Variants in B3GALT1 observed in about 807,000 individuals in gnomAD.
B3GALT1 encodes beta-1,3-galactosyltransferase 1, also known as UDP-Gal:betaGlcNAc beta 1,3-galactosyltransferase, polypeptide 1.
In B3GALT1, 10 loss-of-function variants were observed where a neutral mutation model predicts 23.2. The ratio of observed to expected loss-of-function variants is 0.43; its 90% CI spans 0.27 to 0.73. The LOEUF is 0.73. Among genes scored for constraint, B3GALT1 ranks in the 30% least tolerant of loss-of-function variants. B3GALT1 has a pLI of 0.21. For missense variants in B3GALT1, 299 were observed against 405.4 expected (o/e 0.74, Z 2.25); for synonymous variants, 156 against 141.5 (o/e 1.10, Z -0.73).
chr2:167,487,338 G>A (rs1158518225), intron 1 of B3GALT1, among the ~76,000 whole-genome samples: 4 of 152,144 alleles, frequency 2.6e-5, no homozygotes, highest in Non-Finnish European at 5.9e-5. Context: ...ATCCTTTATG[G>A]CCTCTGTTTA....
At chr2:167,305,397 A>G (rs923086336) in intron 1 of B3GALT1, among the ~76,000 whole-genome samples, 2 of 152,136 alleles carry the variant, frequency 1.3e-5, no homozygotes, top group African/African-American at 4.8e-5. Context: ...TTCCTACCTG[A>G]TGAACAATTA....
intron 2 of B3GALT1, among the ~76,000 whole-genome samples, chr2:167,536,130 C>T (rs1325614176): frequency 6.6e-6 from 1 of 152,114 alleles, no homozygotes; most frequent in Non-Finnish European, 1.5e-5. Context: ...TGGTGTCAAA[C>T]TCCTGACATC....
intron 3 of B3GALT1, among the ~76,000 whole-genome samples, chr2:167,772,037 A>G (rs1320370965): frequency 6.6e-6 from 1 of 152,180 alleles, no homozygotes; most frequent in Non-Finnish European, 1.5e-5. Context: ...TACTGAACTA[A>G]GAGGATTTTT....
chr2:167,474,527 A>C (rs1326228613), intron 1 of B3GALT1, among the ~76,000 whole-genome samples: 1 of 152,152 alleles, frequency 6.6e-6, no homozygotes, highest in Non-Finnish European at 1.5e-5. Flanking sequence ...GTCAAGACTA[A>C]GCTTCAGGAC....
At chr2:167,596,761 A>G (rs1252341640) in intron 2 of B3GALT1, among the ~76,000 whole-genome samples, 1 of 152,242 alleles carries the variant, frequency 6.6e-6, no homozygotes, top group Non-Finnish European at 1.5e-5. Context: ...ATAATTTTAA[A>G]GGAAACGTAG....
chr2:167,849,392 G>A (rs55935707), intron 4 of B3GALT1, among the ~76,000 whole-genome samples: 15,893 of 152,064 alleles, frequency 0.1, 1,011 homozygotes, highest in Middle Eastern at 0.19. Context: ...CACATAGACC[G>A]ATGGAACAGA....
chr2:167,411,363 T>C (rs1345112208), intron 1 of B3GALT1, among the ~76,000 whole-genome samples: 1 of 96,726 alleles, frequency 1.0e-5, no homozygotes, highest in Non-Finnish European at 1.9e-5. Flanking sequence ...AACAACTCAA[T>C]AGCAAACAAA....
intron 3 of B3GALT1, among the ~76,000 whole-genome samples, chr2:167,789,921 C>A (rs1688404986): frequency 6.6e-6 from 1 of 152,300 alleles, no homozygotes; most frequent in East Asian, 1.9e-4. Flanking sequence ...GGTAGGCCCA[C>A]TCCTCTTGTC....
At chr2:167,378,507 T>G (rs1697797471) in intron 1 of B3GALT1, among the ~76,000 whole-genome samples, 1 of 152,110 alleles carries the variant, frequency 6.6e-6, no homozygotes. Context: ...CTTAAAGGCC[T>G]TGTTTATTTT....
At chr2:167,480,120 A>C (rs996464344) in intron 1 of B3GALT1, among the ~76,000 whole-genome samples, 2 of 152,088 alleles carry the variant, frequency 1.3e-5, no homozygotes, top group African/African-American at 4.8e-5. Flanking sequence ...GAAGCTATAA[A>C]TCTTGTGACC....
chr2:167,622,826 G>C (rs1235227704), intron 2 of B3GALT1, among the ~76,000 whole-genome samples: 1 of 152,012 alleles, frequency 6.6e-6, no homozygotes, highest in Non-Finnish European at 1.5e-5. Context: ...CTAGTCATTG[G>C]TAGAACCTAG....
At position 167,695,061 on chromosome 2, in the gene B3GALT1, G is replaced by A. The variant is rs532058187; in HGVS notation, c.-352+48095G>A. The stretch of plus-strand genomic sequence containing the variant: ...AAACCTTCTCTACCTTATCACTCCT[G>A]TCTTCTCATCTGATTCATTTCTAAT... On this transcript the variant is annotated intron_variant, in intron 3 of 4. Transcript: ENST00000392690. Among the ~76,000 whole-genome samples the A allele has an allele frequency of 4.3e-3, 654 of 152,188 alleles. 3 individuals carry two copies. Among genetic ancestry groups the A allele is most frequent in the Non-Finnish European group, 8.1e-3 (548 of 68,000 alleles).
In B3GALT1 at chr2:167,322,670, T is replaced by C. The variant is rs140525747; in HGVS notation, c.-511+29336T>C. Among the ~76,000 whole-genome samples the C allele has an allele frequency of 1.5e-3, 224 of 152,136 alleles. 1 individual carries two copies. In the East Asian group the frequency reaches 0.018, roughly 12 times the overall value. ...CTTACTTTGGTGGATTCTTATCAATTTCCTTGAAGAATTTGTCAAAAGAAG... is the reference window on the plus strand; with the variant it reads ...CTTACTTTGGTGGATTCTTATCAATCTCCTTGAAGAATTTGTCAAAAGAAG... On this transcript the variant is annotated intron_variant, in intron 1 of 4. Transcript: ENST00000392690.
At chr2:167,650,074 C>T (rs1295590490) in intron 3 of B3GALT1, among the ~76,000 whole-genome samples, 2 of 151,750 alleles carry the variant, frequency 1.3e-5, no homozygotes, top group African/African-American at 4.8e-5. Flanking sequence ...ACTTTATGTG[C>T]TTGAGGAAGT....
At chr2:167,632,601 G>A (rs530241425) in intron 2 of B3GALT1, among the ~76,000 whole-genome samples, 31 of 152,076 alleles carry the variant, frequency 2.0e-4, no homozygotes, top group Admixed American at 1.8e-3. Context: ...CTTCTTCTGA[G>A]AAGTGTCTGT....
chr2:167,774,904 T>C (rs368777382), intron 3 of B3GALT1, among the ~76,000 whole-genome samples: 122 of 152,308 alleles, frequency 8.0e-4, no homozygotes, highest in Non-Finnish European at 1.5e-3. Flanking sequence ...GGAATGCAAA[T>C]TAAAGTAGCA....
intron 1 of B3GALT1, among the ~76,000 whole-genome samples, chr2:167,400,958 G>T (rs1375126102): frequency 6.6e-6 from 1 of 152,076 alleles, no homozygotes; most frequent in Non-Finnish European, 1.5e-5. Flanking sequence ...GACAGCTTCG[G>T]CTGTCTACTT....
intron 4 of B3GALT1, among the ~76,000 whole-genome samples, chr2:167,856,315 A>ATTTAAGAGAGAAAGCAT (rs1689999040): frequency 7.2e-5 from 11 of 152,192 alleles, no homozygotes; most frequent in Non-Finnish European, 1.5e-4. Context: ...ATAAACTTAC[A>ATTTAAGAGAGAAAGCAT]TATATACCAT....
chr2:167,668,916 G>A (rs1034280358), intron 3 of B3GALT1, among the ~76,000 whole-genome samples: 14 of 152,166 alleles, frequency 9.2e-5, no homozygotes, highest in African/African-American at 2.4e-4. Flanking sequence ...CTTCTGCGTC[G>A]CTCACGCTGG....
Sources: gnomAD v4.1 joint callset for allele counts (sites outside exome capture counted in the v4.1 genomes callset) on GRCh38, gnomAD v4.1.1 for gene constraint, MANE v1.5 for transcripts, NCBI Gene and HGNC (gene_info 2026-07-23, HGNC 2026-07-21) for gene names.